The following KLF12 variants were observed in gnomAD, a reference collection of about 807,000 sequenced individuals.
KLF12 encodes KLF transcription factor 12.
KLF12 carries 9 observed loss-of-function variants against 37.8 expected under a neutral mutation model. That is an observed-to-expected ratio of 0.24 (90% CI 0.14 to 0.42). KLF12 has a LOEUF of 0.42. KLF12 is among the 10% of genes least tolerant of loss of function. KLF12 has a pLI of 1.00. For missense variants in KLF12, 411 were observed against 516.0 expected, an observed-to-expected ratio of 0.80 and a Z score of 1.97; for synonymous variants, 208 against 202.1, an observed-to-expected ratio of 1.03 and a Z score of -0.25.
chr13:74,227,241 A>G, the KLF12 span, among the ~76,000 whole-genome samples: 1 of 151,910 alleles, frequency 6.6e-6, no homozygotes, highest in African/African-American at 2.4e-5. Flanking sequence ...AATCCTCTTA[A>G]TCTCAAGGAT....
chr13:74,079,930 T>TC (rs1874780777), intron 1 of KLF12, among the ~76,000 whole-genome samples: 2 of 152,130 alleles, frequency 1.3e-5, no homozygotes, highest in African/African-American at 4.8e-5. Context: ...CACATTCACA[T>TC]CAGCATTATT....
intron 3 of KLF12, among the ~76,000 whole-genome samples, chr13:73,894,517 T>A (rs1378247658): frequency 6.6e-6 from 1 of 152,236 alleles, no homozygotes; most frequent in South Asian, 2.1e-4. Context: ...ATTTAGTTAC[T>A]GATGGAGCAT....
chr13:74,087,248 G>C (rs1292031633), intron 1 of KLF12, among the ~76,000 whole-genome samples: 4 of 152,138 alleles, frequency 2.6e-5, no homozygotes, highest in Non-Finnish European at 5.9e-5. Context: ...AGAAGCTCAG[G>C]CACCAGCAAA....
the KLF12 span, among the ~76,000 whole-genome samples, chr13:74,301,023 G>C: frequency 6.6e-6 from 1 of 152,100 alleles, no homozygotes; most frequent in Non-Finnish European, 1.5e-5. Context: ...ATCAGGTTTT[G>C]GTATGTTGAA....
chr13:74,116,168 A>G (rs1877292435), intron 1 of KLF12, among the ~76,000 whole-genome samples: 1 of 152,214 alleles, frequency 6.6e-6, no homozygotes, highest in Non-Finnish European at 1.5e-5. Flanking sequence ...AAAAGGAACC[A>G]CTGAGGCATA....
chr13:73,866,119 G>T (rs1594188419), intron 3 of KLF12, among the ~76,000 whole-genome samples: 2 of 152,270 alleles, frequency 1.3e-5, no homozygotes, highest in Admixed American at 1.3e-4. Context: ...AGCCGGGAAT[G>T]GTGGTGGGCG....
chr13:74,000,255 T>C (rs1343633673), intron 1 of KLF12, among the ~76,000 whole-genome samples: 1 of 152,200 alleles, frequency 6.6e-6, no homozygotes, highest in Non-Finnish European at 1.5e-5. Flanking sequence ...TATAAAGTTA[T>C]ACTTCCTCAA....
At position 73,942,773 on chromosome 13, in the gene KLF12, A is replaced by C. The variant is rs1332701684; in HGVS notation, c.123+1208T>G. 2.0e-5 allele frequency among the ~76,000 whole-genome samples: 3 copies of C among 152,328 alleles called. No individual in the cohort carries two copies. In the East Asian group the frequency reaches 5.8e-4, roughly 29 times the overall value. Reference sequence around the variant, plus strand: ...TTGGTTGACATACTCCACAAAGTTCATTTCAAAGCTACAAAACTCAACCCA... The same window carrying C: ...TTGGTTGACATACTCCACAAAGTTCCTTTCAAAGCTACAAAACTCAACCCA... On this transcript the variant is annotated intron_variant, in intron 3 of 7. Coordinates refer to ENST00000377669, the MANE Select transcript of KLF12 (RefSeq NM_007249.5).
intron 1 of KLF12, among the ~76,000 whole-genome samples, chr13:74,013,172 C>T (rs1445295395): frequency 6.6e-6 from 1 of 152,250 alleles, no homozygotes; most frequent in East Asian, 1.9e-4. Context: ...GAATGCCAGG[C>T]TGTGCCTGAA....
intron 3 of KLF12, among the ~76,000 whole-genome samples, chr13:73,942,195 G>A (rs1890218737): frequency 6.6e-6 from 1 of 152,144 alleles, no homozygotes; most frequent in Non-Finnish European, 1.5e-5. Flanking sequence ...AGCAACCCAC[G>A]ATCCTGGCTT....
At chr13:73,755,686 G>A (rs905446707) in intron 6 of KLF12, among the ~76,000 whole-genome samples, 7 of 151,278 alleles carry the variant, frequency 4.6e-5, no homozygotes, top group African/African-American at 1.7e-4. Flanking sequence ...TAAGTTATTT[G>A]GTGGTGATTT....
intron 2 of KLF12, 44 bp from the exon 3 acceptor site, chr13:73,944,114 C>G: frequency 8.4e-7 from 1 of 1,194,718 alleles, no homozygotes; most frequent in Non-Finnish European, 1.2e-6. Context: ...CTAAAGCATT[C>G]AAAAGAGGAC....
chr13:73,934,152 T>C (rs1415910699), intron 3 of KLF12, among the ~76,000 whole-genome samples: 4 of 152,196 alleles, frequency 2.6e-5, no homozygotes, highest in African/African-American at 9.7e-5. Context: ...TGAGGGGTTT[T>C]TTTTTGCAGT....
the KLF12 span, among the ~76,000 whole-genome samples, chr13:74,200,899 C>T: frequency 6.6e-6 from 1 of 152,050 alleles, no homozygotes; most frequent in African/African-American, 2.4e-5. Flanking sequence ...ATTTGGTTCC[C>T]TTTTGGTTCT....
intron 6 of KLF12, among the ~76,000 whole-genome samples, chr13:73,734,177 C>T (rs1877272265): frequency 6.6e-6 from 1 of 152,152 alleles, no homozygotes. Context: ...CTTCTTCAGA[C>T]ATGTTCACAT....
intron 3 of KLF12, among the ~76,000 whole-genome samples, chr13:73,877,713 A>G (rs1239468013): frequency 1.3e-5 from 2 of 152,170 alleles, no homozygotes; most frequent in Admixed American, 6.5e-5. Context: ...AAGTGATCAA[A>G]TGATTGTCAT....
chr13:74,140,272 C>T, the KLF12 span, among the ~76,000 whole-genome samples: 1 of 152,178 alleles, frequency 6.6e-6, no homozygotes, highest in East Asian at 1.9e-4. Flanking sequence ...CTTACAGGCT[C>T]AATACTTTGG....
At chr13:74,048,555 T>C (rs1254576640) in intron 1 of KLF12, among the ~76,000 whole-genome samples, 4 of 152,108 alleles carry the variant, frequency 2.6e-5, no homozygotes, top group South Asian at 2.1e-4. Context: ...TTTTAGACCA[T>C]TGAGAGTAGA....
chr13:74,263,435 A>G, the KLF12 span, among the ~76,000 whole-genome samples: 34 of 152,210 alleles, frequency 2.2e-4, no homozygotes, highest in African/African-American at 8.0e-4. Context: ...AGCATATAGA[A>G]TTGGGTTTGA....
Sources: allele counts gnomAD v4.1 joint callset (sites outside exome capture counted in the v4.1 genomes callset), GRCh38; gene constraint gnomAD v4.1.1; transcripts MANE v1.5; gene names NCBI Gene and HGNC (gene_info 2026-07-23, HGNC 2026-07-21).